Variants in AHRR observed in about 807,000 individuals in gnomAD.
The protein encoded by AHRR is aryl hydrocarbon receptor repressor.
In AHRR, 28 loss-of-function variants were observed where a neutral mutation model predicts 44.0. The ratio of observed to expected loss-of-function variants is 0.64; its 90% CI spans 0.47 to 0.87. AHRR has a LOEUF of 0.87. Among genes scored for constraint, AHRR ranks in the 40% least tolerant of loss-of-function variants. The pLI, the probability that AHRR is intolerant of heterozygous loss-of-function variation, is 0.00. For missense variants in AHRR, 990 were observed against 953.9 expected (o/e 1.04, Z -0.50); for synonymous variants, 434 against 407.0 (o/e 1.07, Z -0.80).
chr5:404,404 G>C lies in AHRR; in HGVS notation c.352-8940G>C. On this transcript the variant is annotated intron_variant, in intron 4 of 10. Coordinates refer to ENST00000684583, the MANE Select transcript of AHRR (RefSeq NM_001377236.1). This position sits in a 1 kb window ranked among gnomAD's most constrained non-coding sequence, Gnocchi z 4.1. The stretch of plus-strand genomic sequence containing the variant: ...GTCCTAAAGCCTTTTGCATGATTTA[G>C]GAAGGAGAGTCTTGGGGCAGAAGCA... 1.9e-6 allele frequency: 1 copy of C among 537,500 alleles called. No individual in the cohort carries two copies. Among genetic ancestry groups the C allele is most frequent in the South Asian group, 1.4e-5 (1 of 71,830 alleles). The allele number at this position is 537,500 out of a possible 1,614,324, so 33.3% of individuals were successfully genotyped here.
Position 403,680 on chromosome 5 carries a change from G to C in AHRR, c.352-9664G>C, listed in dbSNP as rs930086971. 7.5e-6 allele frequency: 5 copies of C among 665,566 alleles called. No homozygotes were observed. The African/African-American group carries it at 9.2e-5, about 12-fold the overall frequency. 41.2% of individuals were successfully genotyped at this position (665,566 alleles called of 1,614,324 possible). ...GTAACCACTTTAAATAGTTAAAATG[G>C]TATTTTTTTTTTTTTACTTTCTCTC... On this transcript the variant is annotated intron_variant, in intron 4 of 10. Coordinates refer to ENST00000684583, the MANE Select transcript of AHRR (RefSeq NM_001377236.1).
At chr5:355,874 C>T (rs1005979148) in intron 3 of AHRR, among the ~76,000 whole-genome samples, 4 of 152,246 alleles carry the variant, frequency 2.6e-5, no homozygotes, top group Non-Finnish European at 2.9e-5. Context: ...GATTTTTCTA[C>T]CAAGGATTGT....
In AHRR at chr5:434,621, G is replaced by C. The variant is rs776913290; in HGVS notation, c.1881G>C (p.Gln627His). Reference sequence around the variant, plus strand: ...TGGAGCCCACAGACGGCCTTCCCCAGTCGGAGCCTCCCCACCAGCTCTGTG... The same window carrying C: ...TGGAGCCCACAGACGGCCTTCCCCACTCGGAGCCTCCCCACCAGCTCTGTG... ...ACLEPTDGLPQSEPPHQLCAR... is the reference protein window; with the variant it reads ...ACLEPTDGLPHSEPPHQLCAR... Residue 627 changes from glutamine (Q) to histidine (H), a missense_variant, in exon 11 of 11, where the codon CAG (glutamine) becomes CAC (histidine). Physicochemically the swap from Gln to His is conservative, Grantham distance 24. Coordinates refer to ENST00000684583, the MANE Select transcript of AHRR (RefSeq NM_001377236.1). 1.3e-6 allele frequency: 2 copies of C among 1,562,390 alleles called. No homozygotes were observed. Among genetic ancestry groups the C allele is most frequent in the African/African-American group, 2.7e-5 (2 of 73,610 alleles).
chr5:423,908 C>T lies in AHRR; in HGVS notation c.639C>T (p.Tyr213=). ...QEWGTGTPTE[Y]SAFLTRCFIC... ...GGGGCACAGGCACGCCCACCGAGTACTCGGCCTTCCTGACCCGCTGCTTCA... is the reference window on the plus strand; with the variant it reads ...GGGGCACAGGCACGCCCACCGAGTATTCGGCCTTCCTGACCCGCTGCTTCA... Residue 213 remains tyrosine (Y), a synonymous_variant, in exon 7 of 11, where the codon TAC becomes TAT. Coordinates refer to ENST00000684583, the MANE Select transcript of AHRR (RefSeq NM_001377236.1). The T allele has an allele frequency of 1.2e-6, 2 of 1,604,030 alleles. No individual in the cohort carries two copies. The highest frequency in any genetic ancestry group is 1.7e-4 in the Middle Eastern group (1 of 6,038).
chr5:421,790 C>T (rs186928263), intron 5 of AHRR, among the ~76,000 whole-genome samples: 1 of 152,350 alleles, frequency 6.6e-6, no homozygotes, highest in East Asian at 1.9e-4. Context: ...GGGAGCCCCG[C>T]AGGTCCTTGC....
intron 8 of AHRR, among the ~76,000 whole-genome samples, chr5:428,985 C>T (rs1244782758): frequency 6.6e-6 from 1 of 152,264 alleles, no homozygotes; most frequent in African/African-American, 2.4e-5. Flanking sequence ...CTCGCTTGCG[C>T]AGGGCCCACC....
rs915562980 is a variant in AHRR, at chr5:411,856, C to T, written c.352-1488C>T. Among the ~76,000 whole-genome samples, 4 of 152,198 alleles carry T rather than the reference C, an allele frequency of 2.6e-5. No individual in the cohort carries two copies. Among genetic ancestry groups the T allele is most frequent in the African/African-American group, 9.7e-5 (4 of 41,450 alleles). On this transcript the variant is annotated intron_variant, in intron 4 of 10. Transcript: ENST00000684583. The surrounding 1 kb of genome is among the most constrained non-coding windows in gnomAD (Gnocchi z 4.2). ...TTATGAAAGCTGTGTCCAGGTGACT[C>T]AGCCCCCTCACCCCCAGCTTCTACC...
intron 7 of AHRR, among the ~76,000 whole-genome samples, chr5:425,263 G>A (rs1029267990): frequency 2.0e-5 from 3 of 152,220 alleles, no homozygotes; most frequent in Non-Finnish European, 4.4e-5. Flanking sequence ...CTGTTGCCAC[G>A]CACACGCCCC....
chr5:423,531 A>G (rs536936507), intron 6 of AHRR, among the ~76,000 whole-genome samples: 2 of 152,072 alleles, frequency 1.3e-5, no homozygotes, highest in African/African-American at 2.4e-5. Flanking sequence ...CCATGACAGT[A>G]TGATTGACCT....
At chr5:332,168 A>G (rs374976553) in intron 1 of AHRR, among the ~76,000 whole-genome samples, 1 of 152,048 alleles carries the variant, frequency 6.6e-6, no homozygotes, top group South Asian at 2.1e-4. Context: ...GAAGATACTT[A>G]ATATAATTTT....
chr5:401,013 G>A (rs529098203), intron 4 of AHRR, among the ~76,000 whole-genome samples: 92 of 152,338 alleles, frequency 6.0e-4, no homozygotes, highest in African/African-American at 2.0e-3. Flanking sequence ...CCTCCAGCCC[G>A]TGTGGGGCGG....
chr5:396,815 G>A (rs1278113211), intron 4 of AHRR, among the ~76,000 whole-genome samples: 5 of 49,288 alleles, frequency 1.0e-4, no homozygotes, highest in Non-Finnish European at 1.6e-4. Flanking sequence ...ACCCCCACCC[G>A]CCCATCCACA....
At chr5:374,007 C>G (rs1743681275) in intron 3 of AHRR, among the ~76,000 whole-genome samples, 1 of 151,894 alleles carries the variant, frequency 6.6e-6, no homozygotes, top group Non-Finnish European at 1.5e-5. Context: ...CTACGCGCTT[C>G]TCGGGGAAAA....
chr5:390,720 CTGG>C (rs1258821242), intron 4 of AHRR, among the ~76,000 whole-genome samples: 31 of 152,176 alleles, frequency 2.0e-4, no homozygotes, highest in African/African-American at 7.0e-4. Flanking sequence ...GAAGTTCCTG[CTGG>C]GATCTCTGTG....
At position 405,204 on chromosome 5, in the gene AHRR, G is replaced by A. The variant is rs149802640; in HGVS notation, c.352-8140G>A. On this transcript the variant is annotated intron_variant, in intron 4 of 10. Transcript: ENST00000684583. The surrounding 1 kb of genome is among the most constrained non-coding windows in gnomAD (Gnocchi z 4.5). The stretch of plus-strand genomic sequence containing the variant: ...CAGATTCACCAGACTTTCTGCTCAC[G>A]ACCCAAAGAGGTTAGCATGGAACCA... 2.0e-5 allele frequency among the ~76,000 whole-genome samples: 3 copies of A among 152,180 alleles called. No individual in the cohort carries two copies. The highest frequency in any genetic ancestry group is 7.2e-5 in the African/African-American group (3 of 41,532).
intron 4 of AHRR, among the ~76,000 whole-genome samples, chr5:377,637 C>T (rs1023109407): frequency 1.3e-5 from 2 of 152,224 alleles, no homozygotes; most frequent in African/African-American, 4.8e-5. Flanking sequence ...AGGGGCTGCT[C>T]AACCCCCTGC....
At chr5:366,686 T>C (rs1368250294) in intron 3 of AHRR, among the ~76,000 whole-genome samples, 3 of 152,250 alleles carry the variant, frequency 2.0e-5, no homozygotes, top group Admixed American at 2.0e-4. Flanking sequence ...TCCTAAGTGA[T>C]CGATCTTACC....
chr5:434,511 G>C lies in AHRR; in HGVS notation c.1771G>C (p.Val591Leu). Residue 591 changes from valine to leucine, a missense_variant, in exon 11 of 11, where the codon GTG (valine) becomes CTG (leucine). Transcript: ENST00000684583. The stretch of plus-strand genomic sequence containing the variant: ...GTACATCTCGCACCTGGGGCACGGC[G>C]TGCGGGGGGCTCAGCCCCATGGGAG... Reference protein sequence around the residue: ...QVYISHLGHGVRGAQPHGRAT... With the variant: ...QVYISHLGHGLRGAQPHGRAT... The C allele has an allele frequency of 6.2e-7, 1 of 1,612,550 alleles. No homozygotes were observed. Among genetic ancestry groups the C allele is most frequent in the East Asian group, 2.2e-5 (1 of 44,850 alleles).
intron 3 of AHRR, among the ~76,000 whole-genome samples, chr5:369,890 G>C (rs1285142113): frequency 2.0e-5 from 3 of 152,274 alleles, no homozygotes; most frequent in Non-Finnish European, 4.4e-5. Flanking sequence ...GGAAGGAAGG[G>C]AGAGTTTGAA....
Sources: allele counts gnomAD v4.1 joint callset (sites outside exome capture counted in the v4.1 genomes callset), GRCh38; gene constraint gnomAD v4.1.1; non-coding constraint Gnocchi (gnomAD v3.1); transcripts MANE v1.5; gene names NCBI Gene and HGNC (gene_info 2026-07-23, HGNC 2026-07-21).